The following APOA5 variants were observed in gnomAD, a reference collection of about 807,000 sequenced individuals.
APOA5 encodes apolipoprotein A-V.
A neutral mutation model predicts 31.8 loss-of-function variants in APOA5; 26 were observed. The ratio of observed to expected loss-of-function variants is 0.82; its 90% CI spans 0.60 to 1.13. The LOEUF is 1.13. Among genes scored for constraint, APOA5 ranks in the 50% most tolerant of loss-of-function variants. APOA5 has a pLI of 0.00. For missense variants in APOA5, 450 were observed against 488.0 expected (o/e 0.92, Z 0.73); for synonymous variants, 186 against 198.5 (o/e 0.94, Z 0.53).
rs1430234617 is a variant in APOA5 at position 116,791,053 on chromosome 11, C to A, written c.176G>T (p.Ser59Ile). 1.2e-6 allele frequency: 2 copies of A among 1,611,282 alleles called. No homozygotes were observed. Among genetic ancestry groups the A allele is most frequent in the Admixed American group, 1.7e-5 (1 of 59,962 alleles). The change falls in exon 3 of 3, where the codon AGC becomes ATC. Residue 59 changes from serine (S) to isoleucine (I), a missense_variant. By Grantham distance (142) the Ser-to-Ile change is moderately radical. Transcript: ENST00000227665. ...MAREPATLKDSLEQDLNNMNK... is the reference protein window; with the variant it reads ...MAREPATLKDILEQDLNNMNK... ...CATATTGTTGAGGTCTTGCTCAAGGCTGTCTTTCAGGGTCCTGGAGAAGGG... is the reference window on the plus strand; with the variant it reads ...CATATTGTTGAGGTCTTGCTCAAGGATGTCTTTCAGGGTCCTGGAGAAGGG...
chr11:116,790,143 A>C lies in APOA5; in HGVS notation c.1086T>G (p.His362Gln). 1 of 1,614,180 alleles carries C rather than the reference A, an allele frequency of 6.2e-7. No homozygotes were observed. The highest frequency in any genetic ancestry group is 2.2e-5 in the East Asian group (1 of 44,874). Reference protein sequence around the residue: ...THSLHDQGHSHLGDP With the variant: ...THSLHDQGHSQLGDP ...AGGTAGATCCTCAGGGGTCCCCCAG[A>C]TGGCTGTGGCCCTGGTCATGAAGGC... Residue 362 changes from histidine to glutamine, a missense_variant, in exon 3 of 3, where the codon CAT becomes CAG. Transcript: ENST00000227665.
chr11:116,791,913 A>G, upstream of APOA5: 4 of 1,602,154 alleles, frequency 2.5e-6, no homozygotes, highest in Non-Finnish European at 3.4e-6. Flanking sequence ...GAAGAAGGAG[A>G]CGAAGGGACA....
At position 116,789,885 on chromosome 11, in the gene APOA5, A is replaced by T. The variant is rs1481316566; in HGVS notation, c.*243T>A. ...CCCTTGAATGGAGTAACTCATGAGC[A>T]TTCCCAAATGAGCACTGGGAGGCTG... On this transcript the variant is annotated 3_prime_UTR_variant, in exon 3 of 3. Transcript: ENST00000227665. 5.1e-6 allele frequency: 3 copies of T among 589,560 alleles called. No homozygotes were observed. In the African/African-American group the frequency reaches 5.6e-5, roughly 11 times the overall value. The allele number at this position is 589,560 out of a possible 1,614,324, so 36.5% of individuals were successfully genotyped here.
intron 2 of APOA5, 42 bp from the exon 3 acceptor site, chr11:116,791,109 C>T: frequency 1.3e-6 from 2 of 1,501,076 alleles, no homozygotes; most frequent in Non-Finnish European, 1.8e-6. Flanking sequence ...GACTGCTAGC[C>T]TCCATCATCT....
chr11:116,791,895 G>A (rs1490138934), upstream of APOA5: 10 of 1,612,672 alleles, frequency 6.2e-6, no homozygotes, highest in Middle Eastern at 1.7e-4. Flanking sequence ...AGGGAGGCCT[G>A]GTTAGGGGAA....
chr11:116,789,878 C>A lies in APOA5; in HGVS notation c.*250G>T. On this transcript the variant is annotated 3_prime_UTR_variant, in exon 3 of 3. Coordinates refer to ENST00000227665, the MANE Select transcript of APOA5 (RefSeq NM_001371904.1). Reference sequence around the variant, plus strand: ...TCCCTCACCCTTGAATGGAGTAACTCATGAGCATTCCCAAATGAGCACTGG... The same window carrying A: ...TCCCTCACCCTTGAATGGAGTAACTAATGAGCATTCCCAAATGAGCACTGG... 1 of 584,586 alleles carries A rather than the reference C, an allele frequency of 1.7e-6. No homozygotes were observed. Among genetic ancestry groups the A allele is most frequent in the Non-Finnish European group, 3.1e-6 (1 of 326,598 alleles). The allele number at this position is 584,586 out of a possible 1,614,324, so 36.2% of individuals were successfully genotyped here.
Position 116,790,506 on chromosome 11 carries a change from G to C in APOA5, c.723C>G (p.Ala241=), listed in dbSNP as rs1318942670. ...LSRKLTLKAK[A]LHARIQQNLD... is the part of the protein sequence containing the mutation. ...GGTTCTGCTGGATGCGTGCGTGCAGGGCCTTGGCCTTGAGCGTGAGCTTCC... is the reference window on the plus strand; with the variant it reads ...GGTTCTGCTGGATGCGTGCGTGCAGCGCCTTGGCCTTGAGCGTGAGCTTCC... The change falls in exon 3 of 3, where the codon GCC becomes GCG. Residue 241 remains alanine (A), a synonymous_variant. Coordinates refer to ENST00000227665, the MANE Select transcript of APOA5 (RefSeq NM_001371904.1). 4.4e-6 allele frequency: 7 copies of C among 1,599,800 alleles called. No individual in the cohort carries two copies. The Admixed American group carries it at 1.2e-4, about 27-fold the overall frequency.
In APOA5 at chr11:116,790,086, C is replaced by T. The variant is rs763902687; in HGVS notation, c.*42G>A. The T allele has an allele frequency of 6.9e-6, 11 of 1,595,428 alleles. No individual in the cohort carries two copies. Among genetic ancestry groups the T allele is most frequent in the Middle Eastern group, 3.3e-4 (2 of 6,004 alleles). On this transcript the variant is annotated 3_prime_UTR_variant, in exon 3 of 3. Coordinates refer to ENST00000227665, the MANE Select transcript of APOA5 (RefSeq NM_001371904.1). ...ATGCTAGAGGCTCAGAGCCAAGGCT[C>T]CCCAGACAAGGAGCTGGGAATGGGC...
rs1459532692 is a variant in APOA5 at position 116,791,682 on chromosome 11, T to C, written c.65A>G (p.Gln22Arg). The change falls in exon 2 of 3, where the codon CAG (glutamine) becomes CGG (arginine). Residue 22 changes from glutamine (Q) to arginine (R), a missense_variant. By Grantham distance (43) the Gln-to-Arg change is conservative. Coordinates refer to ENST00000227665, the MANE Select transcript of APOA5 (RefSeq NM_001371904.1). ...LALLSAFSAT[Q>R]ARKGFWDYFS... ...GTAGTCCCAGAAGCCTTTCCGTGCC[T>C]GGGTGGCCGAAAACGCTGTGGAGAG... 1.2e-6 allele frequency: 2 copies of C among 1,609,396 alleles called. No individual in the cohort carries two copies. Among genetic ancestry groups the C allele is most frequent in the African/African-American group, 2.7e-5 (2 of 74,794 alleles).
At position 116,791,031 on chromosome 11, in the gene APOA5, A is replaced by G. The variant is rs2134203776; in HGVS notation, c.198T>C (p.Asn66=). The G allele has an allele frequency of 6.2e-7, 1 of 1,611,044 alleles. No individual in the cohort carries two copies. Among genetic ancestry groups the G allele is most frequent in the Non-Finnish European group, 8.5e-7 (1 of 1,178,930 alleles). The part of the protein sequence containing the change: ...LKDSLEQDLN[N]MNKFLEKLRP... ...TCAGCTTTTCCAGGAACTTGTTCAT[A>G]TTGTTGAGGTCTTGCTCAAGGCTGT... is the stretch of plus-strand genomic sequence containing the variant. The change falls in exon 3 of 3, where the codon AAT becomes AAC. Residue 66 remains asparagine, a synonymous_variant. Transcript: ENST00000227665.
Position 116,790,120 on chromosome 11 carries a change from G to A in APOA5, c.*8C>T. 1 of 1,613,710 alleles carries A rather than the reference G, an allele frequency of 6.2e-7. No homozygotes were observed. Among genetic ancestry groups the A allele is most frequent in the Non-Finnish European group, 8.5e-7 (1 of 1,179,740 alleles). Reference sequence around the variant, plus strand: ...AGGAGCTGGGAATGGGCCTGGGCAGGTAGATCCTCAGGGGTCCCCCAGATG... The same window carrying A: ...AGGAGCTGGGAATGGGCCTGGGCAGATAGATCCTCAGGGGTCCCCCAGATG... On this transcript the variant is annotated 3_prime_UTR_variant, in exon 3 of 3. Coordinates refer to ENST00000227665, the MANE Select transcript of APOA5 (RefSeq NM_001371904.1).
At chr11:116,791,286 A>T (rs1473805300) in intron 2 of APOA5, 2 of 705,782 alleles carry the variant, frequency 2.8e-6, no homozygotes, top group Admixed American at 4.0e-5. Context: ...TCTCCAAAGA[A>T]ACATAGATGC....
rs764254615 is a variant in APOA5 at position 116,790,502 on chromosome 11, G to T, written c.727C>A (p.His243Asn). The change falls in exon 3 of 3, where the codon CAC becomes AAC. Residue 243 changes from histidine (H) to asparagine (N), a missense_variant. Coordinates refer to ENST00000227665, the MANE Select transcript of APOA5 (RefSeq NM_001371904.1). Reference protein sequence around the residue: ...RKLTLKAKALHARIQQNLDQL... With the variant: ...RKLTLKAKALNARIQQNLDQL... ...TCCAGGTTCTGCTGGATGCGTGCGTGCAGGGCCTTGGCCTTGAGCGTGAGC... is the reference window on the plus strand; with the variant it reads ...TCCAGGTTCTGCTGGATGCGTGCGTTCAGGGCCTTGGCCTTGAGCGTGAGC... 2.5e-6 allele frequency: 4 copies of T among 1,601,186 alleles called. No individual in the cohort carries two copies. The African/African-American group carries it at 4.0e-5, about 16-fold the overall frequency.
In APOA5 at chr11:116,790,135, T is replaced by C; in HGVS notation, c.1094A>G (p.Asp365Gly). ...LHDQGHSHLG[D>G]P Reference sequence around the variant, plus strand: ...GCCTGGGCAGGTAGATCCTCAGGGGTCCCCCAGATGGCTGTGGCCCTGGTC... The same window carrying C: ...GCCTGGGCAGGTAGATCCTCAGGGGCCCCCCAGATGGCTGTGGCCCTGGTC... The change falls in exon 3 of 3, where the codon GAC becomes GGC. Residue 365 changes from aspartate (D) to glycine (G), a missense_variant. Coordinates refer to ENST00000227665, the MANE Select transcript of APOA5 (RefSeq NM_001371904.1). 1 of 1,613,930 alleles carries C rather than the reference T, an allele frequency of 6.2e-7. No individual in the cohort carries two copies. The highest frequency in any genetic ancestry group is 8.5e-7 in the Non-Finnish European group (1 of 1,179,942).
chr11:116,790,337 C>T lies in APOA5; in HGVS notation c.892G>A (p.Ala298Thr). Residue 298 changes from alanine (A) to threonine (T), a missense_variant, in exon 3 of 3, where the codon GCC becomes ACC. Physicochemically the swap from Ala to Thr is moderately conservative, Grantham distance 58 (BLOSUM62 0). Coordinates refer to ENST00000227665, the MANE Select transcript of APOA5 (RefSeq NM_001371904.1). ...TCCTGGTCGATGGCGCGAGTGAAGG[C>T]AGCTATCTGCAGGTAGGTGTCCTGG... ...FRQDTYLQIA[A>T]FTRAIDQETE... is the part of the protein sequence containing the mutation. The T allele has an allele frequency of 6.2e-7, 1 of 1,614,150 alleles. No homozygotes were observed. Among genetic ancestry groups the T allele is most frequent in the Non-Finnish European group, 8.5e-7 (1 of 1,180,048 alleles).
chr11:116,792,162 A>T (rs1190188619), upstream of APOA5, among the ~76,000 whole-genome samples: 1 of 152,098 alleles, frequency 6.6e-6, no homozygotes, highest in East Asian at 1.9e-4. Context: ...CCCCAGGAAC[A>T]GTTCTCTAGG....
intron 2 of APOA5, 113 bp from the exon 3 acceptor site, chr11:116,791,180 G>A (rs1211856048): frequency 2.0e-6 from 2 of 988,500 alleles, no homozygotes; most frequent in African/African-American, 1.6e-5. Context: ...CAGGGCGTTG[G>A]CCCCAGGGTC....
upstream of APOA5, chr11:116,792,329 A>C: frequency 3.7e-6 from 1 of 272,700 alleles, no homozygotes; most frequent in Non-Finnish European, 7.2e-6. Flanking sequence ...GGCCACCTGC[A>C]ATGCCCTCCC....
At chr11:116,792,138 G>T (rs1214368769), upstream of APOA5, among the ~76,000 whole-genome samples, 3 of 152,074 alleles carry the variant, frequency 2.0e-5, no homozygotes, top group Non-Finnish European at 4.4e-5. Context: ...TAACCCCTTC[G>T]CAAAGGTCCC....
Sources: allele counts gnomAD v4.1 joint callset (sites outside exome capture counted in the v4.1 genomes callset), GRCh38; gene constraint gnomAD v4.1.1; transcripts MANE v1.5; gene names NCBI Gene and HGNC (gene_info 2026-07-23, HGNC 2026-07-21).